The following PIK3AP1 variants were observed in gnomAD, a reference collection of about 807,000 sequenced individuals.
PIK3AP1 encodes the protein phosphoinositide-3-kinase adaptor protein 1.
Under a neutral mutation model 88.1 loss-of-function variants are expected in PIK3AP1, and 21 were observed. The ratio of observed to expected loss-of-function variants is 0.24; its 90% CI spans 0.17 to 0.34. The LOEUF (loss-of-function observed/expected upper bound fraction) is 0.34. Ranked by LOEUF, PIK3AP1 falls within the 10% of genes least tolerant of loss-of-function variation. The pLI is 1.00. For missense variants in PIK3AP1, 828 were observed against 1,035.7 expected, an observed-to-expected ratio of 0.80 and a Z score of 2.75; for synonymous variants, 398 against 400.0, an observed-to-expected ratio of 1.00 and a Z score of 0.06.
At chr10:96,610,736 C>T (rs1024330905) in intron 13 of PIK3AP1, among the ~76,000 whole-genome samples, 2 of 152,192 alleles carry the variant, frequency 1.3e-5, no homozygotes, top group African/African-American at 4.8e-5. Context: ...CTCTGTTCCT[C>T]CCTACATTTC....
intron 8 of PIK3AP1, among the ~76,000 whole-genome samples, chr10:96,639,405 G>A (rs1208663174): frequency 3.3e-5 from 5 of 152,274 alleles, no homozygotes; most frequent in East Asian, 1.9e-4. Context: ...AGAGAAGCAC[G>A]TATATAACTA....
chr10:96,691,212 C>G (rs983935543), intron 2 of PIK3AP1, among the ~76,000 whole-genome samples: 1 of 152,148 alleles, frequency 6.6e-6, no homozygotes, highest in Non-Finnish European at 1.5e-5. Context: ...TCCCCGAAAC[C>G]CTCAAACTAA....
chr10:96,650,703 T>A (rs1843525435), intron 6 of PIK3AP1, among the ~76,000 whole-genome samples: 1 of 151,906 alleles, frequency 6.6e-6, no homozygotes, highest in African/African-American at 2.4e-5. Context: ...TACAGGGAAG[T>A]GAGAGAAGTT....
intron 16 of PIK3AP1, among the ~76,000 whole-genome samples, chr10:96,597,915 T>A (rs1453801437): frequency 2.0e-5 from 3 of 152,208 alleles, no homozygotes; most frequent in Non-Finnish European, 4.4e-5. Flanking sequence ...GGGGTGGGCC[T>A]ATGGGCATAC....
intron 8 of PIK3AP1, among the ~76,000 whole-genome samples, chr10:96,630,297 A>G (rs1843227650): frequency 6.6e-6 from 1 of 152,228 alleles, no homozygotes; most frequent in South Asian, 2.1e-4. Flanking sequence ...ATGAGGAACC[A>G]GTAAATGAAT....
At chr10:96,628,918 A>ATATATATATATATATATATATATATATT (rs1843199172) in intron 8 of PIK3AP1, among the ~76,000 whole-genome samples, 1 of 122,562 alleles carries the variant, frequency 8.2e-6, no homozygotes. Context: ...GTGTATATAT[A>ATATATATATATATATATATATATATATT]TATATATATA....
At chr10:96,663,729 C>T (rs56755409) in intron 2 of PIK3AP1, among the ~76,000 whole-genome samples, 41,459 of 149,382 alleles carry the variant, frequency 0.28, 5,705 homozygotes, top group East Asian at 0.41. Flanking sequence ...TCTTAATATA[C>T]GAAGATGTCA....
intron 2 of PIK3AP1, among the ~76,000 whole-genome samples, chr10:96,685,284 G>A (rs911928730): frequency 6.6e-6 from 1 of 152,154 alleles, no homozygotes; most frequent in Non-Finnish European, 1.5e-5. Context: ...CAAACCCATC[G>A]CTGGTATGAA....
At chr10:96,634,018 C>T (rs893791212) in intron 8 of PIK3AP1, among the ~76,000 whole-genome samples, 2 of 152,174 alleles carry the variant, frequency 1.3e-5, no homozygotes. Flanking sequence ...CCACTGTGGT[C>T]CAGACCAGAC....
At chr10:96,702,437 TGCAGTGAGCCGAGATCAC>T (rs1844309314) in intron 2 of PIK3AP1, among the ~76,000 whole-genome samples, 1 of 149,886 alleles carries the variant, frequency 6.7e-6, no homozygotes, top group Admixed American at 6.7e-5. Flanking sequence ...AGGCAGAGGT[TGCAGTGAGCCGAGATCAC>T]GCCACTGCAC....
rs375195890 is a variant in PIK3AP1 at position 96,601,555 on chromosome 10, T to C, written c.2360+725A>G. The stretch of plus-strand genomic sequence containing the variant: ...AAGTTTGCAAATAGCTGCTGGAGAC[T>C]TGACCCCAGGTAGGGGGGCTCTAGA... On this transcript the variant is annotated intron_variant, in intron 16 of 16. Transcript: ENST00000339364. 8.6e-5 allele frequency among the ~76,000 whole-genome samples: 13 copies of C among 151,606 alleles called. No individual in the cohort carries two copies. In the East Asian group the frequency reaches 1.2e-3, roughly 14 times the overall value.
intron 2 of PIK3AP1, among the ~76,000 whole-genome samples, chr10:96,660,128 C>G (rs1195639581): frequency 1.3e-5 from 2 of 152,018 alleles, no homozygotes; most frequent in East Asian, 3.9e-4. Context: ...GCATTAAAAA[C>G]CAGTACAGAT....
Position 96,616,643 on chromosome 10 carries a change from C to A in PIK3AP1, c.2010G>T (p.Gln670His). Residue 670 changes from glutamine (Q) to histidine (H), a missense_variant, in exon 13 of 17, where the codon CAG (glutamine) becomes CAT (histidine). Gln to His is a conservative substitution (Grantham distance 24). This residue lies in a region of PIK3AP1 where 191 missense variants were observed against 208.6 expected (regional missense o/e 0.92). Coordinates refer to ENST00000339364, the MANE Select transcript of PIK3AP1 (RefSeq NM_152309.3). ...GCACCCTAGGAAGCCACATACCTGT[C>A]TGCTTTCCTGATTTTTGCTTCTCTC... ...RQREKQKSGK[Q>H]TDLEITVPIR... is the part of the protein sequence containing the mutation. 1.9e-6 allele frequency: 3 copies of A among 1,614,126 alleles called. No homozygotes were observed. The African/African-American group carries it at 4.0e-5, about 22-fold the overall frequency.
intron 12 of PIK3AP1, among the ~76,000 whole-genome samples, chr10:96,617,246 C>T (rs921215274): frequency 6.6e-6 from 1 of 152,170 alleles, no homozygotes; most frequent in African/African-American, 2.4e-5. Context: ...CGTCGTGTAC[C>T]TTTCCATAAT....
chr10:96,666,886 C>G (rs1843770757), intron 2 of PIK3AP1, among the ~76,000 whole-genome samples: 1 of 152,058 alleles, frequency 6.6e-6, no homozygotes, highest in South Asian at 2.1e-4. Context: ...CCCCCAGGTG[C>G]CACTGCCCTG....
chr10:96,661,359 T>C (rs1418759486), intron 2 of PIK3AP1, among the ~76,000 whole-genome samples: 3 of 152,214 alleles, frequency 2.0e-5, no homozygotes, highest in Admixed American at 1.3e-4. Flanking sequence ...GATACTATAC[T>C]GGTGGGTGCA....
intron 2 of PIK3AP1, among the ~76,000 whole-genome samples, chr10:96,679,332 A>C (rs1466207352): frequency 6.6e-6 from 1 of 152,144 alleles, no homozygotes. Context: ...GTTTGAGACC[A>C]GCCTGGCCAA....
intron 8 of PIK3AP1, among the ~76,000 whole-genome samples, chr10:96,634,110 G>C (rs1564963429): frequency 6.6e-6 from 1 of 152,174 alleles, no homozygotes; most frequent in Non-Finnish European, 1.5e-5. Context: ...TGAACACCAA[G>C]GGGCAATTCC....
chr10:96,677,000 G>A (rs1420727379), intron 2 of PIK3AP1, among the ~76,000 whole-genome samples: 1 of 151,968 alleles, frequency 6.6e-6, no homozygotes, highest in East Asian at 1.9e-4. Flanking sequence ...AAGCCTCAGG[G>A]CAGGAGAACA....
Sources: gnomAD v4.1 joint callset for allele counts (sites outside exome capture counted in the v4.1 genomes callset) on GRCh38, gnomAD v4.1.1 for gene constraint, gnomAD v4.1.1 regional missense constraint, MANE v1.5 for transcripts, NCBI Gene and HGNC (gene_info 2026-07-23, HGNC 2026-07-21) for gene names.